The following MYO6 variants were observed in gnomAD, a reference collection of about 807,000 sequenced individuals.
MYO6 encodes myosin VI.
Under a neutral mutation model 178.7 loss-of-function variants are expected in MYO6, and 74 were observed. The ratio of observed to expected loss-of-function variants is 0.41; its 90% confidence interval spans 0.34 to 0.50. The LOEUF (loss-of-function observed/expected upper bound fraction) is 0.50. MYO6 is among the 20% of genes least tolerant of loss of function. MYO6 has a pLI of 0.09. For synonymous variants in MYO6, 477 were observed against 504.6 expected, an observed-to-expected ratio of 0.95 and a Z score of 0.73; for missense variants, 1,330 against 1,547.4, an observed-to-expected ratio of 0.86 and a Z score of 2.36.
chr6:75,850,396 A>C (rs548040947), intron 11 of MYO6, among the ~76,000 whole-genome samples: 1 of 152,350 alleles, frequency 6.6e-6, no homozygotes, highest in East Asian at 1.9e-4. Flanking sequence ...TCCATTTTAC[A>C]GAAGTGGAAC....
chr6:75,846,075 C>T (rs1188132155), intron 10 of MYO6, among the ~76,000 whole-genome samples: 1 of 151,112 alleles, frequency 6.6e-6, no homozygotes, highest in Non-Finnish European at 1.5e-5. Flanking sequence ...ATATTGGTTT[C>T]AGTAAATTAT....
intron 11 of MYO6, among the ~76,000 whole-genome samples, chr6:75,854,682 T>C: frequency 6.6e-6 from 1 of 152,144 alleles, no homozygotes; most frequent in East Asian, 1.9e-4. Flanking sequence ...ATTACGTATA[T>C]GCATAAACAC....
At chr6:75,875,601 T>A (rs1197894386) in intron 20 of MYO6, among the ~76,000 whole-genome samples, 2 of 152,236 alleles carry the variant, frequency 1.3e-5, no homozygotes, top group Non-Finnish European at 2.9e-5. Context: ...TTTTAATTTT[T>A]AAAAATTTAA....
At chr6:75,876,652 T>C (rs1777591055) in intron 20 of MYO6, among the ~76,000 whole-genome samples, 1 of 152,218 alleles carries the variant, frequency 6.6e-6, no homozygotes, top group Non-Finnish European at 1.5e-5. Context: ...TGATGAATGC[T>C]TTAGCTAGGA....
intron 1 of MYO6, among the ~76,000 whole-genome samples, chr6:75,789,890 CCT>C (rs1433921512): frequency 2.0e-5 from 3 of 152,282 alleles, no homozygotes; most frequent in Admixed American, 6.5e-5. Flanking sequence ...TGGTCCTCCC[CCT>C]GTCCTCCACC....
intron 1 of MYO6, among the ~76,000 whole-genome samples, chr6:75,750,359 T>A (rs970101704): frequency 1.3e-5 from 2 of 151,944 alleles, no homozygotes; most frequent in Admixed American, 6.6e-5. Flanking sequence ...TCTCCCAAAG[T>A]GCTGGGATTA....
chr6:75,891,879 G>C (rs1288132590), intron 27 of MYO6, among the ~76,000 whole-genome samples: 1 of 152,142 alleles, frequency 6.6e-6, no homozygotes, highest in African/African-American at 2.4e-5. Context: ...TTGTCTCTCT[G>C]TAGAATGTGG....
chr6:75,832,006 G>T (rs1773148485), intron 5 of MYO6, among the ~76,000 whole-genome samples: 1 of 152,140 alleles, frequency 6.6e-6, no homozygotes, highest in African/African-American at 2.4e-5. Context: ...AGTCTTCTTG[G>T]CACATGTCTG....
intron 4 of MYO6, 57 bp from the exon 5 acceptor site, chr6:75,830,359 T>A: frequency 6.6e-7 from 1 of 1,517,878 alleles, no homozygotes; most frequent in Non-Finnish European, 9.1e-7. Context: ...GAGCTTTGTT[T>A]ATCTTTAAAT....
chr6:75,870,406 A>T (rs966573682), intron 18 of MYO6, among the ~76,000 whole-genome samples: 1 of 152,112 alleles, frequency 6.6e-6, no homozygotes, highest in African/African-American at 2.4e-5. Flanking sequence ...TAATATTGCT[A>T]ATTTTCAGTC....
intron 25 of MYO6, among the ~76,000 whole-genome samples, chr6:75,889,785 G>C (rs1166016725): frequency 6.6e-6 from 1 of 152,156 alleles, no homozygotes; most frequent in Non-Finnish European, 1.5e-5. Context: ...TAATACTTGT[G>C]TGCAGAGATA....
In MYO6 at chr6:75,885,746, G is replaced by A. The variant is rs551097978; in HGVS notation, c.2417-258G>A. On this transcript the variant is annotated intron_variant, in intron 23 of 34. Transcript: ENST00000369977. The stretch of plus-strand genomic sequence containing the variant: ...CAGGCGTGAGCCACCGCGCCCGGCC[G>A]AGAATCTCTTGAACCTGGGAGGTGG... 5.3e-5 allele frequency among the ~76,000 whole-genome samples: 8 copies of A among 152,148 alleles called. No homozygotes were observed. The East Asian group carries it at 9.7e-4, about 18-fold the overall frequency.
intron 1 of MYO6, among the ~76,000 whole-genome samples, chr6:75,805,714 T>G (rs772766156): frequency 1.4e-4 from 22 of 152,230 alleles, no homozygotes; most frequent in African/African-American, 4.3e-4. Flanking sequence ...AATTTTCAGT[T>G]GATGATGGGG....
intron 30 of MYO6, among the ~76,000 whole-genome samples, chr6:75,907,056 C>T (rs1780382629): frequency 6.6e-6 from 1 of 152,132 alleles, no homozygotes; most frequent in Non-Finnish European, 1.5e-5. Flanking sequence ...CAGTGGGTTG[C>T]AGGTTTGGCT....
chr6:75,793,420 A>G (rs866596669), intron 1 of MYO6, among the ~76,000 whole-genome samples: 5 of 152,132 alleles, frequency 3.3e-5, no homozygotes, highest in Admixed American at 1.3e-4. Context: ...CCTGGCCAAC[A>G]TGGTGAAACC....
chr6:75,886,082 G>A lies in MYO6; in HGVS notation c.2495G>A (p.Arg832Lys). ...ATTCGAATGTGGCTTTGCAAGAGGAGACACAAACCTCGGTAAGATGAATAG... is the reference window on the plus strand; with the variant it reads ...ATTCGAATGTGGCTTTGCAAGAGGAAACACAAACCTCGGTAAGATGAATAG... ...KTIRMWLCKR[R>K]HKPRIDGLVK... Residue 832 changes from arginine (R) to lysine (K), a missense_variant, in exon 24 of 35, where the codon AGA becomes AAA. Coordinates refer to ENST00000369977, the MANE Select transcript of MYO6 (RefSeq NM_004999.4). The A allele has an allele frequency of 1.9e-6, 3 of 1,607,850 alleles. No homozygotes were observed. Among genetic ancestry groups the A allele is most frequent in the Non-Finnish European group, 2.6e-6 (3 of 1,174,794 alleles).
At chr6:75,882,474 C>T (rs1034136388) in intron 23 of MYO6, among the ~76,000 whole-genome samples, 1 of 152,090 alleles carries the variant, frequency 6.6e-6, no homozygotes, top group East Asian at 1.9e-4. Flanking sequence ...GTTTCAGTCT[C>T]TTCCCCCACC....
chr6:75,807,030 G>A (rs1190687302), intron 1 of MYO6, among the ~76,000 whole-genome samples: 1 of 152,198 alleles, frequency 6.6e-6, no homozygotes, highest in Non-Finnish European at 1.5e-5. Flanking sequence ...GGCAGTGACT[G>A]TCTTTGATGA....
intron 4 of MYO6, 98 bp downstream of exon 4, chr6:75,828,711 A>T (rs1772749241): frequency 1.2e-6 from 1 of 836,964 alleles, no homozygotes; most frequent in African/African-American, 1.7e-5. Flanking sequence ...ACAGAAAATC[A>T]TGCTTGATCT....
Sources: allele counts gnomAD v4.1 joint callset (sites outside exome capture counted in the v4.1 genomes callset), GRCh38; gene constraint gnomAD v4.1.1; transcripts MANE v1.5; gene names NCBI Gene and HGNC (gene_info 2026-07-23, HGNC 2026-07-21).